The following NPAS3 variants were observed in gnomAD, a reference collection of about 807,000 sequenced individuals.
NPAS3 encodes neuronal PAS domain protein 3.
In NPAS3, 14 loss-of-function variants were observed where a neutral mutation model predicts 73.1. The ratio of observed to expected loss-of-function variants is 0.19; its 90% CI spans 0.13 to 0.30. The LOEUF (loss-of-function observed/expected upper bound fraction) is 0.30, where lower values mean the gene tolerates loss of function less well. Ranked by LOEUF, NPAS3 falls within the 10% of genes least tolerant of loss-of-function variation. NPAS3 has a pLI of 1.00. For synonymous variants in NPAS3, 620 were observed against 541.5 expected (o/e 1.14, Z -2.01); for missense variants, 1,096 against 1,250.0 (o/e 0.88, Z 1.86).
intron 6 of NPAS3, among the ~76,000 whole-genome samples, chr14:33,716,949 T>C (rs1030969626): frequency 4.6e-5 from 7 of 152,000 alleles, no homozygotes; most frequent in Non-Finnish European, 1.0e-4. Flanking sequence ...TTTTGAAAAG[T>C]GTTGTGTTTC....
chr14:33,719,093 A>T (rs1249662027), intron 6 of NPAS3, among the ~76,000 whole-genome samples: 1 of 152,102 alleles, frequency 6.6e-6, no homozygotes, highest in African/African-American at 2.4e-5. Context: ...ACACCACTAC[A>T]CTACAACCTT....
chr14:33,601,595 A>G (rs943345279), intron 5 of NPAS3, among the ~76,000 whole-genome samples: 1 of 152,200 alleles, frequency 6.6e-6, no homozygotes, highest in Non-Finnish European at 1.5e-5. Flanking sequence ...GCTCTTAATG[A>G]CAGTCATCAC....
intron 6 of NPAS3, among the ~76,000 whole-genome samples, chr14:33,679,422 C>T (rs964432211): frequency 4.6e-5 from 7 of 152,192 alleles, no homozygotes; most frequent in Admixed American, 6.5e-5. Context: ...CATCACAAAG[C>T]TGCTTATGTT....
intron 1 of NPAS3, among the ~76,000 whole-genome samples, chr14:33,024,118 G>GTA (rs1302429353): frequency 6.8e-6 from 1 of 147,796 alleles, no homozygotes; most frequent in Non-Finnish European, 1.5e-5. Context: ...ATATATATGT[G>GTA]TATATATATG....
At chr14:33,044,995 T>G (rs956557288) in intron 1 of NPAS3, among the ~76,000 whole-genome samples, 2 of 152,136 alleles carry the variant, frequency 1.3e-5, no homozygotes, top group Non-Finnish European at 2.9e-5. Context: ...ATTTTTCTTG[T>G]CTGCATGGAG....
intron 5 of NPAS3, among the ~76,000 whole-genome samples, chr14:33,567,143 C>CCA (rs2055995256): frequency 6.6e-6 from 1 of 152,276 alleles, no homozygotes; most frequent in East Asian, 1.9e-4. Flanking sequence ...TCTTGATTAG[C>CCA]CACTTCTTGA....
Position 33,779,577 on chromosome 14 carries a change from G to A in NPAS3, c.1153+1005G>A, listed in dbSNP as rs577628848. Among the ~76,000 whole-genome samples the A allele has an allele frequency of 2.0e-5, 3 of 152,258 alleles. No homozygotes were observed. In the South Asian group the frequency reaches 6.2e-4, roughly 32 times the overall value. ...GGTGGTCCCATGAGATTGTAATACT[G>A]CATTTTTACTGTACCTTTTCTGTGT... On this transcript the variant is annotated intron_variant, in intron 9 of 11. Transcript: ENST00000356141.
At chr14:33,730,603 A>G (rs951695480) in intron 6 of NPAS3, among the ~76,000 whole-genome samples, 2 of 152,196 alleles carry the variant, frequency 1.3e-5, no homozygotes, top group Non-Finnish European at 2.9e-5. Context: ...TTTTGCTCAC[A>G]TTCATTGACT....
In NPAS3 at chr14:33,040,125, T is replaced by A. The variant is rs145237773; in HGVS notation, c.51-15780T>A. On this transcript the variant is annotated intron_variant, in intron 1 of 11. Coordinates refer to ENST00000356141, the Ensembl canonical transcript of NPAS3. ...AGGGTTAGGCTGTTAGGATTGTGAC[T>A]GACTAGAAGTGGCAGTAACCTGCAG... 8.5e-3 allele frequency among the ~76,000 whole-genome samples: 1,287 copies of A among 152,286 alleles called. 11 individuals are homozygous for A. The highest frequency in any genetic ancestry group is 0.028 in the African/African-American group (1,162 of 41,560).
chr14:33,082,082 T>C (rs1349747974), intron 2 of NPAS3, among the ~76,000 whole-genome samples: 2 of 152,212 alleles, frequency 1.3e-5, no homozygotes, highest in South Asian at 2.1e-4. Flanking sequence ...ATAAACACAG[T>C]TGGTTCTCAG....
At chr14:33,215,578 C>A in intron 3 of NPAS3, 152 bp downstream of exon 3, 1 of 880,474 alleles carries the variant, frequency 1.1e-6, no homozygotes, top group Non-Finnish European at 1.9e-6. Context: ...GAGAAAGACA[C>A]CATGTGAAGG....
At chr14:33,107,629 T>C (rs1381370653) in intron 2 of NPAS3, among the ~76,000 whole-genome samples, 1 of 152,200 alleles carries the variant, frequency 6.6e-6, no homozygotes, top group Non-Finnish European at 1.5e-5. Context: ...GGTGTGTATG[T>C]ACCACATTTT....
intron 2 of NPAS3, among the ~76,000 whole-genome samples, chr14:33,213,013 G>T (rs771426945): frequency 2.6e-5 from 4 of 152,140 alleles, no homozygotes; most frequent in Non-Finnish European, 5.9e-5. Flanking sequence ...TTGGGAAATG[G>T]CATATAAAAG....
rs899760507 is a variant in NPAS3 at position 33,140,376 on chromosome 14, C to A, written c.141-74806C>A. Among the ~76,000 whole-genome samples, 26 of 145,908 alleles carry A rather than the reference C, an allele frequency of 1.8e-4. 1 individual carries two copies. The highest frequency in any genetic ancestry group is 1.7e-3 in the Admixed American group (25 of 14,648). ...GTAGGGAAAAGAACACAGAAAAAAACAGTCACTATTTTGAGCTCATTTTGC... is the reference window on the plus strand; with the variant it reads ...GTAGGGAAAAGAACACAGAAAAAAAAAGTCACTATTTTGAGCTCATTTTGC... On this transcript the variant is annotated intron_variant, in intron 2 of 11. Coordinates refer to ENST00000356141, the Ensembl canonical transcript of NPAS3.
At chr14:33,625,118 T>C (rs915107414) in intron 5 of NPAS3, among the ~76,000 whole-genome samples, 1 of 152,212 alleles carries the variant, frequency 6.6e-6, no homozygotes, top group Non-Finnish European at 1.5e-5. Context: ...TGTTATAATC[T>C]TGGTCTTACC....
chr14:33,637,613 C>T (rs2058557664), intron 5 of NPAS3, among the ~76,000 whole-genome samples: 1 of 152,112 alleles, frequency 6.6e-6, no homozygotes, highest in African/African-American at 2.4e-5. Context: ...ACAGGCGAGG[C>T]CACATAAAAT....
intron 7 of NPAS3, among the ~76,000 whole-genome samples, chr14:33,769,752 T>TTC (rs2062584375): frequency 1.1e-5 from 1 of 90,238 alleles, no homozygotes; most frequent in South Asian, 3.7e-4. Context: ...TGGATTTTTT[T>TTC]TTTCTTTTTT....
chr14:33,158,831 G>A (rs1429306632), intron 2 of NPAS3, among the ~76,000 whole-genome samples: 1 of 152,118 alleles, frequency 6.6e-6, no homozygotes, highest in Non-Finnish European at 1.5e-5. Context: ...TTGTAGTTAG[G>A]GAAAGGGGTT....
chr14:33,284,284 T>C (rs574983824), intron 3 of NPAS3, among the ~76,000 whole-genome samples: 80 of 152,202 alleles, frequency 5.3e-4, no homozygotes, highest in Non-Finnish European at 2.2e-4. Flanking sequence ...GGTCATACTT[T>C]AGATGACATA....
Sources: allele counts gnomAD v4.1 joint callset (sites outside exome capture counted in the v4.1 genomes callset), GRCh38; gene constraint gnomAD v4.1.1; transcripts MANE v1.5; gene names NCBI Gene and HGNC (gene_info 2026-07-23, HGNC 2026-07-21).